The following LINGO2 variants were observed in gnomAD, a reference collection of about 807,000 sequenced individuals.
The protein encoded by LINGO2 is leucine-rich repeat and immunoglobulin-like domain-containing nogo receptor-interacting protein 2.
A neutral mutation model predicts 30.6 loss-of-function variants in LINGO2; 14 were observed. That is an observed-to-expected ratio of 0.46 (90% CI 0.30 to 0.72). The LOEUF (loss-of-function observed/expected upper bound fraction) is 0.72, where lower values mean the gene tolerates loss of function less well. Among genes scored for constraint, LINGO2 ranks in the 30% least tolerant of loss-of-function variants. The probability of loss-of-function intolerance (pLI) is 0.07; values close to 1 mark genes in which losing one functional copy is unlikely to be tolerated. For missense variants in LINGO2, 729 were observed against 751.7 expected (o/e 0.97, Z 0.35); for synonymous variants, 317 against 288.5 (o/e 1.10, Z -1.00).
intron 2 of LINGO2, among the ~76,000 whole-genome samples, chr9:28,447,705 A>T (rs1288448202): frequency 6.6e-6 from 1 of 152,224 alleles, no homozygotes; most frequent in Non-Finnish European, 1.5e-5. Flanking sequence ...CTCAGTATTC[A>T]TTAAAGTCTA....
intron 4 of LINGO2, among the ~76,000 whole-genome samples, chr9:28,030,299 C>T (rs1823602828): frequency 6.6e-6 from 1 of 152,088 alleles, no homozygotes; most frequent in African/African-American, 2.4e-5. Flanking sequence ...AGTATAAAAC[C>T]AACTGTATAT....
chr9:28,494,807 T>C (rs1299390917), intron 1 of LINGO2, among the ~76,000 whole-genome samples: 1 of 152,214 alleles, frequency 6.6e-6, no homozygotes, highest in African/African-American at 2.4e-5. Flanking sequence ...TCTTCCACAA[T>C]GGTTGAACAA....
At chr9:28,877,472 C>T in the LINGO2 span, among the ~76,000 whole-genome samples, 1 of 152,152 alleles carries the variant, frequency 6.6e-6, no homozygotes, top group East Asian at 1.9e-4. Flanking sequence ...CTACATATGG[C>T]TAGCCAGTTT....
chr9:28,521,747 C>T (rs891922646), intron 1 of LINGO2, among the ~76,000 whole-genome samples: 1 of 152,072 alleles, frequency 6.6e-6, no homozygotes, highest in South Asian at 2.1e-4. Flanking sequence ...AGCTTCTTTG[C>T]AGATATAATC....
intron 4 of LINGO2, among the ~76,000 whole-genome samples, chr9:28,198,022 G>GA (rs1820075688): frequency 1.3e-5 from 2 of 151,006 alleles, no homozygotes; most frequent in Non-Finnish European, 3.0e-5. Flanking sequence ...AAATGGGAGG[G>GA]AAAATTGGTT....
At chr9:28,946,830 C>G in the LINGO2 span, among the ~76,000 whole-genome samples, 1 of 152,024 alleles carries the variant, frequency 6.6e-6, no homozygotes, top group Non-Finnish European at 1.5e-5. Flanking sequence ...TGCTTTACAG[C>G]CTTCCAAGGC....
the LINGO2 span, among the ~76,000 whole-genome samples, chr9:28,754,945 C>A: frequency 4.0e-5 from 6 of 151,852 alleles, no homozygotes; most frequent in African/African-American, 1.5e-4. Context: ...CTGTTTATTT[C>A]TAATAAACAG....
exon 6 of LINGO2, chr9:27,949,647 G>A: frequency 1.9e-6 from 3 of 1,614,084 alleles, no homozygotes; most frequent in South Asian, 1.1e-5. Context: ...CCTAGGGGAG[G>A]AGAAGACATT....
chr9:27,937,745 A>C, the LINGO2 span: 1 of 152,188 alleles, frequency 6.6e-6, no homozygotes. Flanking sequence ...CCACCCCTAT[A>C]TTTTAATGCA....
chr9:28,229,926 C>A (rs889634613), intron 4 of LINGO2, among the ~76,000 whole-genome samples: 2 of 151,644 alleles, frequency 1.3e-5, no homozygotes, highest in Admixed American at 6.6e-5. Context: ...CAAAAAAGAA[C>A]AACTTGTACA....
At chr9:28,331,630 C>G (rs1167096632) in intron 3 of LINGO2, among the ~76,000 whole-genome samples, 2 of 152,048 alleles carry the variant, frequency 1.3e-5, no homozygotes. Flanking sequence ...CTTAGTCTCC[C>G]AAGTAGTTGG....
At chr9:28,126,095 T>G (rs1827228016) in intron 4 of LINGO2, among the ~76,000 whole-genome samples, 1 of 152,212 alleles carries the variant, frequency 6.6e-6, no homozygotes, top group African/African-American at 2.4e-5. Flanking sequence ...GCCATAGAAT[T>G]TGCCTCCTCT....
In LINGO2 at chr9:27,956,813, C is replaced by T. The variant is rs12057043; in HGVS notation, c.-35-6107G>A. ...TTCTTAAAAAGACTTTCCTTTCTGG[C>T]CAGATATGGTGGCTCACACGTGTAA... is the stretch of plus-strand genomic sequence containing the variant. On this transcript the variant is annotated intron_variant, in intron 5 of 5. Transcript: ENST00000379992. Among the ~76,000 whole-genome samples, 2,429 of 152,140 alleles carry T rather than the reference C, an allele frequency of 0.016. 146 individuals carry two copies. In the East Asian group the frequency reaches 0.21, roughly 13 times the overall value.
chr9:28,450,981 T>C (rs1824627471), intron 2 of LINGO2, among the ~76,000 whole-genome samples: 1 of 151,966 alleles, frequency 6.6e-6, no homozygotes, highest in Non-Finnish European at 1.5e-5. Flanking sequence ...TCATTTTGAA[T>C]AGAAATAGTC....
chr9:28,052,274 T>C (rs976188648), intron 4 of LINGO2, among the ~76,000 whole-genome samples: 2 of 152,132 alleles, frequency 1.3e-5, no homozygotes, highest in African/African-American at 2.4e-5. Flanking sequence ...TCATGAAAAC[T>C]AGCCGTGAGA....
At chr9:28,367,994 A>G (rs893610119) in intron 3 of LINGO2, among the ~76,000 whole-genome samples, 2 of 151,706 alleles carry the variant, frequency 1.3e-5, no homozygotes, top group African/African-American at 4.8e-5. Context: ...TCTTTTTCCA[A>G]GAGCTTTTAC....
intron 2 of LINGO2, among the ~76,000 whole-genome samples, chr9:28,467,223 C>T (rs1374066104): frequency 1.3e-5 from 2 of 152,082 alleles, no homozygotes; most frequent in East Asian, 3.9e-4. Context: ...GATGGGGTTT[C>T]ACCGTGTTAG....
At chr9:28,970,615 G>A in the LINGO2 span, among the ~76,000 whole-genome samples, 2 of 152,204 alleles carry the variant, frequency 1.3e-5, no homozygotes, top group South Asian at 2.1e-4. Flanking sequence ...ACTCTGGGCC[G>A]TGTTGTTAGA....
chr9:28,041,815 TATA>T (rs1824208634), intron 4 of LINGO2, among the ~76,000 whole-genome samples: 1 of 152,214 alleles, frequency 6.6e-6, no homozygotes, highest in African/African-American at 2.4e-5. Flanking sequence ...AATTTATAGT[TATA>T]ATTATTGTAA....
Sources: gnomAD v4.1 joint callset for allele counts (sites outside exome capture counted in the v4.1 genomes callset) on GRCh38, gnomAD v4.1.1 for gene constraint, MANE v1.5 for transcripts, NCBI Gene and HGNC (gene_info 2026-07-23, HGNC 2026-07-21) for gene names.